MACROD2: variants seen among roughly 807,000 people sequenced by gnomAD.
MACROD2 encodes ADP-ribose glycohydrolase MACROD2.
A neutral mutation model predicts 70.4 loss-of-function variants in MACROD2; 36 were observed. The ratio of observed to expected loss-of-function variants is 0.51; its 90% CI spans 0.39 to 0.68. The LOEUF is 0.68. Ranked by LOEUF, MACROD2 falls within the 30% of genes least tolerant of loss-of-function variation. The pLI, the probability that MACROD2 is intolerant of heterozygous loss-of-function variation, is 0.00. For missense variants in MACROD2, 496 were observed against 538.4 expected, an observed-to-expected ratio of 0.92 and a Z score of 0.78; for synonymous variants, 172 against 178.8, an observed-to-expected ratio of 0.96 and a Z score of 0.30.
At chr20:14,332,067 G>A (rs2082852496) in intron 3 of MACROD2, among the ~76,000 whole-genome samples, 1 of 152,004 alleles carries the variant, frequency 6.6e-6, no homozygotes, top group Admixed American at 6.6e-5. Flanking sequence ...ATTTTTTAAT[G>A]GAATCATTAT....
chr20:15,874,265 T>C (rs12624919), intron 9 of MACROD2, among the ~76,000 whole-genome samples: 16,015 of 152,068 alleles, frequency 0.11, 1,194 homozygotes, highest in East Asian at 0.37. Flanking sequence ...TTTGGCTGCA[T>C]AGTATTCCAT....
In MACROD2 at chr20:15,053,389, T is replaced by G. The variant is rs547553740; in HGVS notation, c.419-176551T>G. Among the ~76,000 whole-genome samples the G allele has an allele frequency of 5.3e-4, 81 of 152,306 alleles. 1 individual carries two copies. The South Asian group carries it at 0.017, about 31-fold the overall frequency. ...GTTAGGAGCTAATGCAGTGGGTGAC[T>G]TTAAGTTGCAGCCAGTGCTCATTGG... On this transcript the variant is annotated intron_variant, in intron 5 of 17. Coordinates refer to ENST00000684519, the MANE Select transcript of MACROD2 (RefSeq NM_001351661.2).
chr20:14,531,953 A>G (rs1409692581), intron 4 of MACROD2, among the ~76,000 whole-genome samples: 1 of 152,112 alleles, frequency 6.6e-6, no homozygotes. Flanking sequence ...TTCTCATTAA[A>G]CGTTCCTCTC....
intron 8 of MACROD2, among the ~76,000 whole-genome samples, chr20:15,692,591 C>A (rs560774426): frequency 1.4e-4 from 22 of 152,158 alleles, no homozygotes; most frequent in African/African-American, 5.3e-4. Context: ...ATCTTCAGAG[C>A]CCTGGAAGCG....
chr20:16,015,796 T>A (rs2066920910), intron 15 of MACROD2, among the ~76,000 whole-genome samples: 1 of 152,202 alleles, frequency 6.6e-6, no homozygotes, highest in African/African-American at 2.4e-5. Flanking sequence ...CGAAGCTGAG[T>A]GCCAGAACTA....
intron 5 of MACROD2, among the ~76,000 whole-genome samples, chr20:15,218,299 C>G (rs1302496727): frequency 6.6e-6 from 1 of 152,182 alleles, no homozygotes; most frequent in African/African-American, 2.4e-5. Flanking sequence ...ACTTTGTTTT[C>G]TCTTTTCCCA....
chr20:15,659,108 C>G (rs1241750149), intron 8 of MACROD2, among the ~76,000 whole-genome samples: 3 of 152,032 alleles, frequency 2.0e-5, no homozygotes, highest in Non-Finnish European at 2.9e-5. Context: ...TCATTGGATA[C>G]CAATACCATA....
chr20:15,077,433 A>T (rs963176546), intron 5 of MACROD2, among the ~76,000 whole-genome samples: 8 of 152,220 alleles, frequency 5.3e-5, no homozygotes, highest in African/African-American at 1.9e-4. Context: ...TAGTTCCAGG[A>T]TGTAACACTG....
rs1284839078 is a variant in MACROD2, at chr20:15,073,485, AC to A, written c.419-156454del. Among the ~76,000 whole-genome samples the A allele has an allele frequency of 5.5e-4, 83 of 151,302 alleles. 1 individual carries two copies. The highest frequency in any genetic ancestry group is 1.6e-3 in the African/African-American group (65 of 41,284). ...TCTCCCAACACACACACACACACACACACACACACACACACACACACACACG... is the reference window on the plus strand; with the variant it reads ...TCTCCCAACACACACACACACACACAACACACACACACACACACACACACG... On this transcript the variant is annotated intron_variant, in intron 5 of 17. Transcript: ENST00000684519.
At chr20:15,844,703 C>T (rs1270887837) in intron 8 of MACROD2, among the ~76,000 whole-genome samples, 1 of 152,146 alleles carries the variant, frequency 6.6e-6, no homozygotes, top group Non-Finnish European at 1.5e-5. Context: ...GTGTCCTTCT[C>T]AACCCCCACC....
intron 15 of MACROD2, among the ~76,000 whole-genome samples, chr20:16,026,452 A>G (rs2067082024): frequency 6.6e-6 from 1 of 152,204 alleles, no homozygotes; most frequent in Non-Finnish European, 1.5e-5. Context: ...GTTTGAGTCC[A>G]TTACTTTCAA....
At chr20:14,971,729 G>C (rs908817192) in intron 5 of MACROD2, among the ~76,000 whole-genome samples, 1 of 152,018 alleles carries the variant, frequency 6.6e-6, no homozygotes, top group African/African-American at 2.4e-5. Flanking sequence ...AGATTGGTTG[G>C]ATCAGGTGTG....
At chr20:14,998,059 C>T (rs1355977322) in intron 5 of MACROD2, among the ~76,000 whole-genome samples, 1 of 152,202 alleles carries the variant, frequency 6.6e-6, no homozygotes, top group Non-Finnish European at 1.5e-5. Flanking sequence ...CCTCCTAATG[C>T]AGTTACAGCT....
At chr20:15,257,533 C>T (rs2077210081) in intron 6 of MACROD2, among the ~76,000 whole-genome samples, 1 of 151,698 alleles carries the variant, frequency 6.6e-6, no homozygotes, top group South Asian at 2.1e-4. Context: ...AGAAGTGCAC[C>T]CTGCATAACA....
intron 6 of MACROD2, among the ~76,000 whole-genome samples, chr20:15,265,251 A>G (rs1165629668): frequency 6.6e-6 from 1 of 152,194 alleles, no homozygotes; most frequent in Non-Finnish European, 1.5e-5. Context: ...TAAAGAGGAA[A>G]CACATTCACA....
intron 3 of MACROD2, among the ~76,000 whole-genome samples, chr20:14,185,778 G>A (rs759939151): frequency 3.9e-5 from 6 of 152,058 alleles, no homozygotes; most frequent in Non-Finnish European, 7.4e-5. Flanking sequence ...CACCTCCTTT[G>A]TAAATGATAA....
intron 4 of MACROD2, among the ~76,000 whole-genome samples, chr20:14,574,441 A>G (rs908061261): frequency 1.2e-4 from 19 of 152,098 alleles, no homozygotes; most frequent in African/African-American, 4.3e-4. Context: ...ATTGGCAATA[A>G]ATATAAGCAG....
chr20:15,725,823 C>T (rs1159113904), intron 8 of MACROD2, among the ~76,000 whole-genome samples: 1 of 151,378 alleles, frequency 6.6e-6, no homozygotes, highest in Non-Finnish European at 1.5e-5. Context: ...AATATGAATA[C>T]TGAAATTTTA....
intron 3 of MACROD2, among the ~76,000 whole-genome samples, chr20:14,409,444 T>C (rs992928196): frequency 6.6e-6 from 1 of 151,680 alleles, no homozygotes; most frequent in Non-Finnish European, 1.5e-5. Context: ...ATTATTATTA[T>C]TATTCCCTTT....
Sources: allele counts gnomAD v4.1 joint callset (sites outside exome capture counted in the v4.1 genomes callset), GRCh38; gene constraint gnomAD v4.1.1; transcripts MANE v1.5; gene names NCBI Gene and HGNC (gene_info 2026-07-23, HGNC 2026-07-21).